Variants in RBM26 observed in about 807,000 individuals in gnomAD.
The protein encoded by RBM26 is RNA-binding protein 26.
Under a neutral mutation model 123.6 loss-of-function variants are expected in RBM26, and 30 were observed. The ratio of observed to expected loss-of-function variants is 0.24; its 90% CI spans 0.18 to 0.33. The LOEUF is 0.33. Ranked by LOEUF, RBM26 falls within the 10% of genes least tolerant of loss-of-function variation. RBM26 has a pLI of 1.00. For synonymous variants in RBM26, 400 were observed against 404.4 expected (o/e 0.99, Z 0.13); for missense variants, 947 against 1,203.6 (o/e 0.79, Z 3.15).
intron 8 of RBM26, 26 bp from the exon 9 acceptor site, chr13:79,365,744 A>G (rs1421614948): frequency 1.9e-6 from 3 of 1,598,184 alleles, no homozygotes; most frequent in Non-Finnish European, 2.6e-6. Context: ...CTGTAATTAA[A>G]AAACAATTAT....
intron 6 of RBM26, among the ~76,000 whole-genome samples, chr13:79,367,441 A>G (rs1433891796): frequency 7.5e-5 from 11 of 146,320 alleles, no homozygotes; most frequent in South Asian, 4.4e-4. Context: ...AAGAAGAAGA[A>G]GAGGCAAAAG....
chr13:79,337,427 G>A lies in RBM26; in HGVS notation c.2533-125C>T. 5 of 1,092,536 alleles carry A rather than the reference G, an allele frequency of 4.6e-6. No individual in the cohort carries two copies. In the South Asian group the frequency reaches 7.9e-5, roughly 17 times the overall value. 67.7% of individuals were successfully genotyped at this position (1,092,536 alleles called of 1,614,324 possible). A position where few individuals can be genotyped will look rare whatever the true frequency, so the allele number is the denominator to read the frequency against. On this transcript the variant is annotated intron_variant, in intron 18 of 21. Transcript: ENST00000438737. ...CAATGTATTCAAATGCCCTATAAAA[G>A]GATCACATAATTTAAATTGGGGTTT...
intron 3 of RBM26, among the ~76,000 whole-genome samples, chr13:79,375,398 T>G (rs2076593595): frequency 6.6e-6 from 1 of 151,838 alleles, no homozygotes; most frequent in Non-Finnish European, 1.5e-5. Flanking sequence ...CTTGAACTCC[T>G]GACCTAAGGT....
intron 9 of RBM26, among the ~76,000 whole-genome samples, chr13:79,361,868 T>A (rs1230054503): frequency 3.3e-5 from 5 of 152,300 alleles, no homozygotes; most frequent in South Asian, 2.1e-4. Context: ...GCTTCATTCA[T>A]CTTTTTCAGT....
At chr13:79,364,017 G>A (rs937898100) in intron 9 of RBM26, among the ~76,000 whole-genome samples, 10 of 152,160 alleles carry the variant, frequency 6.6e-5, no homozygotes, top group African/African-American at 2.4e-4. Flanking sequence ...AGCCAGGTGG[G>A]AGACAGGTTC....
intron 1 of RBM26, among the ~76,000 whole-genome samples, chr13:79,392,934 G>C (rs1174857714): frequency 6.6e-6 from 1 of 152,150 alleles, no homozygotes; most frequent in Non-Finnish European, 1.5e-5. Context: ...TGGAGGTACA[G>C]AGAAACCAGC....
intron 1 of RBM26, among the ~76,000 whole-genome samples, chr13:79,405,048 T>G (rs1443721248): frequency 4.6e-5 from 7 of 152,244 alleles, no homozygotes; most frequent in Non-Finnish European, 1.0e-4. Flanking sequence ...CTAAGACTAT[T>G]TCAGCACTCT....
At chr13:79,353,068 G>T (rs977445598) in intron 14 of RBM26, 85 bp downstream of exon 14, 7 of 749,330 alleles carry the variant, frequency 9.3e-6, no homozygotes, top group African/African-American at 9.0e-5. Flanking sequence ...CAAGAGTTTA[G>T]AACTATGAAA....
chr13:79,357,342 A>T (rs536329422), intron 11 of RBM26, among the ~76,000 whole-genome samples: 143 of 152,202 alleles, frequency 9.4e-4, no homozygotes, highest in African/African-American at 3.1e-3. Flanking sequence ...TGTTTTTATT[A>T]AATTATAAAA....
chr13:79,334,505 A>C, intron 19 of RBM26, 75 bp from the exon 20 acceptor site: 1 of 711,306 alleles, frequency 1.4e-6, no homozygotes, highest in Non-Finnish European at 2.3e-6. Context: ...GTATTAAAAA[A>C]CATTAAAATA....
intron 20 of RBM26, among the ~76,000 whole-genome samples, chr13:79,327,298 A>G: frequency 7.1e-6 from 1 of 140,842 alleles, no homozygotes; most frequent in African/African-American, 2.8e-5. Flanking sequence ...CCTGTCTCAA[A>G]AAAAAAAAAA....
downstream of RBM26, chr13:79,314,483 T>C (rs2066994713): frequency 6.6e-6 from 1 of 151,890 alleles, no homozygotes; most frequent in Non-Finnish European, 1.5e-5. Flanking sequence ...CATAAAAAAG[T>C]ACTTTATCAT....
At chr13:79,365,904 A>T (rs2075217533) in intron 8 of RBM26, 151 bp downstream of exon 8, 1 of 970,442 alleles carries the variant, frequency 1.0e-6, no homozygotes, top group Non-Finnish European at 1.5e-6. Flanking sequence ...GAAAACATTC[A>T]AAACTGAGGG....
intron 1 of RBM26, among the ~76,000 whole-genome samples, chr13:79,383,882 A>C (rs1017418026): frequency 3.3e-5 from 5 of 152,214 alleles, no homozygotes; most frequent in Admixed American, 6.5e-5. Flanking sequence ...ACATTTAAAC[A>C]GGGATCTGAA....
At chr13:79,329,606 T>C (rs2138673933) in intron 20 of RBM26, among the ~76,000 whole-genome samples, 1 of 152,224 alleles carries the variant, frequency 6.6e-6, no homozygotes, top group African/African-American at 2.4e-5. Flanking sequence ...GGAGCCAACC[T>C]GTAGTCTCCT....
chr13:79,359,639 A>G lies in RBM26; in HGVS notation c.1465T>C (p.Ser489Pro). Residue 489 changes from serine (S) to proline (P), a missense_variant, in exon 10 of 22, where the codon TCA becomes CCA. Physicochemically the swap from Ser to Pro is moderately conservative, Grantham distance 74. This residue lies in a region of RBM26 where 493 missense variants were observed against 563.1 expected (regional missense o/e 0.88). Transcript: ENST00000438737. Reference sequence around the variant, plus strand: ...CCAGAACCAATGGTTCTTTTCCTTGATTCTGAGTCCACTACTATCCTCATA... The same window carrying G: ...CCAGAACCAATGGTTCTTTTCCTTGGTTCTGAGTCCACTACTATCCTCATA... ...SSMRIVVDSE[S>P]RKRTIGSGEP... 6.2e-7 allele frequency: 1 copy of G among 1,600,970 alleles called. No homozygotes were observed. Among genetic ancestry groups the G allele is most frequent in the Non-Finnish European group, 8.5e-7 (1 of 1,174,778 alleles).
intron 14 of RBM26, among the ~76,000 whole-genome samples, chr13:79,349,395 C>T (rs2072851227): frequency 6.6e-6 from 1 of 152,078 alleles, no homozygotes; most frequent in Non-Finnish European, 1.5e-5. Context: ...ATGAGTTCAA[C>T]TTTTTAAGAT....
chr13:79,371,373 A>C (rs2075858680), intron 4 of RBM26, among the ~76,000 whole-genome samples: 2 of 152,194 alleles, frequency 1.3e-5, no homozygotes, highest in South Asian at 4.1e-4. Flanking sequence ...GTCTTATTAC[A>C]CATTGGCAAC....
intron 9 of RBM26, among the ~76,000 whole-genome samples, chr13:79,361,929 G>C (rs1045986725): frequency 1.3e-5 from 2 of 152,050 alleles, no homozygotes. Context: ...CACGAGAAAG[G>C]TTTTTAAAAT....
Sources: allele counts gnomAD v4.1 joint callset (sites outside exome capture counted in the v4.1 genomes callset), GRCh38; gene constraint gnomAD v4.1.1; regional missense constraint gnomAD v4.1.1; transcripts MANE v1.5; gene names NCBI Gene and HGNC (gene_info 2026-07-23, HGNC 2026-07-21).